The following SHANK2 variants were observed in gnomAD, a reference collection of about 807,000 sequenced individuals.
The protein encoded by SHANK2 is SH3 and multiple ankyrin repeat domains 2, also known as SH3 and multiple ankyrin repeat domains protein 2.
In SHANK2, 43 loss-of-function variants were observed where a neutral mutation model predicts 133.7. The observed-to-expected ratio is 0.32, with a 90% confidence interval of 0.25 to 0.41. The LOEUF (loss-of-function observed/expected upper bound fraction) is 0.41, where lower values mean the gene tolerates loss of function less well. Among genes scored for constraint, SHANK2 ranks in the 10% least tolerant of loss-of-function variants. The probability of loss-of-function intolerance (pLI) is 1.00; values close to 1 mark genes in which losing one functional copy is unlikely to be tolerated. For missense variants in SHANK2, 1,994 were observed against 2,235.8 expected, an observed-to-expected ratio of 0.89 and a Z score of 2.18; for synonymous variants, 1,017 against 952.8, an observed-to-expected ratio of 1.07 and a Z score of -1.24.
At chr11:71,067,764 C>T (rs1247858039) in intron 9 of SHANK2, among the ~76,000 whole-genome samples, 1 of 152,066 alleles carries the variant, frequency 6.6e-6, no homozygotes, top group Non-Finnish European at 1.5e-5. Flanking sequence ...TCGCCACCAT[C>T]ACCATCACTG....
At position 70,495,476 on chromosome 11, in the gene SHANK2, C is replaced by T. The variant is rs187915118; in HGVS notation, c.2309-3011G>A. ...CTTGGTCTATCCCTGGAAATGGGGG[C>T]GCTAGGCAGTGGCTGTTCTTTGCCT... On this transcript the variant is annotated intron_variant, in intron 21 of 25. Transcript: ENST00000601538. Among the ~76,000 whole-genome samples the T allele has an allele frequency of 1.4e-3, 217 of 152,324 alleles. 1 individual carries two copies. Among genetic ancestry groups the T allele is most frequent in the African/African-American group, 5.0e-3 (208 of 41,562 alleles).
At chr11:70,784,655 A>T (rs2135134188) in intron 14 of SHANK2, among the ~76,000 whole-genome samples, 1 of 152,116 alleles carries the variant, frequency 6.6e-6, no homozygotes, top group East Asian at 1.9e-4. Flanking sequence ...CAGCGAGGTG[A>T]TGTCCCCAGG....
At chr11:70,858,212 C>T (rs1949200282) in intron 11 of SHANK2, among the ~76,000 whole-genome samples, 1 of 152,238 alleles carries the variant, frequency 6.6e-6, no homozygotes, top group Admixed American at 6.5e-5. Context: ...TGTTCATAAT[C>T]CATTTTAAAT....
At chr11:71,218,261 C>CTT (rs71049964) in intron 2 of SHANK2, among the ~76,000 whole-genome samples, 3 of 72,494 alleles carry the variant, frequency 4.1e-5, no homozygotes, top group Non-Finnish European at 5.7e-5. Flanking sequence ...TTTTCTTTTT[C>CTT]TTTTTTTTTT....
At chr11:71,108,619 T>C (rs1951837484) in intron 6 of SHANK2, among the ~76,000 whole-genome samples, 1 of 152,192 alleles carries the variant, frequency 6.6e-6, no homozygotes, top group African/African-American at 2.4e-5. Flanking sequence ...TCCACGTCAC[T>C]GCCCTGCAAG....
chr11:70,896,454 CA>C lies in SHANK2; in HGVS notation c.1174+46del, dbSNP rs782384978. The C allele has an allele frequency of 1.2e-5, 8 of 688,410 alleles. No homozygotes were observed. The Admixed American group carries it at 1.7e-4, about 15-fold the overall frequency. The allele number at this position is 688,410 out of a possible 1,614,324, so 42.6% of individuals were successfully genotyped here. Reference sequence around the variant, plus strand: ...CTGGTGAGTGACTGATTCCTCAGAGCATCTCCAAACCAAATCCCAACACAGT... The same window carrying C: ...CTGGTGAGTGACTGATTCCTCAGAGCTCTCCAAACCAAATCCCAACACAGT... On this transcript the variant is annotated intron_variant, in intron 11 of 25. Coordinates refer to ENST00000601538, the MANE Select transcript of SHANK2 (RefSeq NM_012309.5).
rs1555098801 is a variant in SHANK2 at position 71,109,967 on chromosome 11, G to T, written c.566C>A (p.Pro189His). Residue 189 changes from proline (P) to histidine (H), a missense_variant, in exon 6 of 26, where the codon CCC becomes CAC. Coordinates refer to ENST00000601538, the MANE Select transcript of SHANK2 (RefSeq NM_012309.5). ...ITKMLDRGLDPNFHDPETGET... is the reference protein window; with the variant it reads ...ITKMLDRGLDHNFHDPETGET... Reference sequence around the variant, plus strand: ...TCCGGTCTCCGGGTCGTGGAAATTGGGATCCAGGCCTCGGTCCAGCATCTT... The same window carrying T: ...TCCGGTCTCCGGGTCGTGGAAATTGTGATCCAGGCCTCGGTCCAGCATCTT... 1 of 1,551,496 alleles carries T rather than the reference G, an allele frequency of 6.4e-7. No homozygotes were observed.
intron 14 of SHANK2, among the ~76,000 whole-genome samples, chr11:70,795,407 C>CTTTTTTTTTTTTTTTTTTTTT (rs71049944): frequency 7.8e-6 from 1 of 128,458 alleles, no homozygotes; most frequent in Non-Finnish European, 1.6e-5. Context: ...CTTTCTTTTT[C>CTTTTTTTTTTTTTTTTTTTTT]TTTTTTTTTT....
intron 3 of SHANK2, among the ~76,000 whole-genome samples, 156 bp downstream of exon 3, chr11:71,146,962 TGG>T (rs2135403627): frequency 6.7e-6 from 1 of 149,266 alleles, no homozygotes; most frequent in Admixed American, 6.6e-5. Flanking sequence ...GCAGGGAGCC[TGG>T]GGGGACGGGG....
At chr11:70,781,807 G>A (rs1555045251) in intron 14 of SHANK2, among the ~76,000 whole-genome samples, 1 of 127,056 alleles carries the variant, frequency 7.9e-6, no homozygotes, top group Non-Finnish European at 1.6e-5. Flanking sequence ...AAAGACACAT[G>A]CACACGTATG....
chr11:71,196,997 C>CAA lies in SHANK2; in HGVS notation c.-13+27698_-13+27699dup, dbSNP rs71467429. On this transcript the variant is annotated intron_variant, in intron 2 of 25. Coordinates refer to ENST00000601538, the MANE Select transcript of SHANK2 (RefSeq NM_012309.5). ...TTGGTGACAGAGTGAGACTCTGTCT[C>CAA]AAAAAAAAAAAAAAAAAAAAAACCC... 3.8e-3 allele frequency among the ~76,000 whole-genome samples: 309 copies of CAA among 81,700 alleles called. 3 individuals are homozygous for CAA. Among genetic ancestry groups the CAA allele is most frequent in the African/African-American group, 0.012 (260 of 21,472 alleles). The allele number at this position is 81,700 out of a possible 152,430, so 53.6% of individuals were successfully genotyped here.
At chr11:70,622,022 C>T (rs1298342526) in intron 17 of SHANK2, among the ~76,000 whole-genome samples, 5 of 152,146 alleles carry the variant, frequency 3.3e-5, no homozygotes, top group African/African-American at 1.2e-4. Flanking sequence ...GAGCCCAGCG[C>T]CATGTGGAGG....
intron 11 of SHANK2, among the ~76,000 whole-genome samples, chr11:70,849,566 T>C (rs1323413206): frequency 6.6e-6 from 1 of 152,182 alleles, no homozygotes; most frequent in East Asian, 1.9e-4. Context: ...GTGCCTACCC[T>C]TTGTCAAATG....
At chr11:70,520,023 C>T (rs2059311962) in intron 17 of SHANK2, among the ~76,000 whole-genome samples, 1 of 151,588 alleles carries the variant, frequency 6.6e-6, no homozygotes, top group East Asian at 2.0e-4. Context: ...GTTGGGATGA[C>T]AGGCGTAAGC....
intron 3 of SHANK2, among the ~76,000 whole-genome samples, chr11:71,128,694 C>T (rs1465607885): frequency 6.6e-6 from 1 of 152,234 alleles, no homozygotes; most frequent in African/African-American, 2.4e-5. Context: ...CTACTCCTCC[C>T]CATCTCTCTC....
At chr11:71,244,715 G>A (rs1486158253) in intron 1 of SHANK2, among the ~76,000 whole-genome samples, 1 of 151,756 alleles carries the variant, frequency 6.6e-6, no homozygotes, top group Non-Finnish European at 1.5e-5. Flanking sequence ...TTTTTTTGTT[G>A]TTGTTGAGAT....
At chr11:70,620,156 G>C (rs2060809431) in intron 17 of SHANK2, among the ~76,000 whole-genome samples, 1 of 152,072 alleles carries the variant, frequency 6.6e-6, no homozygotes, top group Non-Finnish European at 1.5e-5. Context: ...ACACCATCCT[G>C]GTGGGGGTTA....
At chr11:70,733,586 G>C (rs1387869726) in intron 14 of SHANK2, among the ~76,000 whole-genome samples, 4 of 152,254 alleles carry the variant, frequency 2.6e-5, no homozygotes, top group Non-Finnish European at 5.9e-5. Flanking sequence ...GCTGCTGCCT[G>C]CTACAAAGGC....
intron 1 of SHANK2, among the ~76,000 whole-genome samples, chr11:71,247,594 C>T (rs1158855862): frequency 6.6e-6 from 1 of 152,016 alleles, no homozygotes; most frequent in Non-Finnish European, 1.5e-5. Flanking sequence ...CTAATGCACG[C>T]CTCCTGGGGG....
Sources: gnomAD v4.1 joint callset for allele counts (sites outside exome capture counted in the v4.1 genomes callset) on GRCh38, gnomAD v4.1.1 for gene constraint, MANE v1.5 for transcripts, NCBI Gene and HGNC (gene_info 2026-07-23, HGNC 2026-07-21) for gene names.